DNAAF11: variants seen among roughly 807,000 people sequenced by gnomAD.
DNAAF11 encodes the protein dynein axonemal assembly factor 11.
DNAAF11 carries 45 observed loss-of-function variants against 60.8 expected under a neutral mutation model. That is an observed-to-expected ratio of 0.74 (90% CI 0.58 to 0.95). DNAAF11 has a LOEUF of 0.95. DNAAF11 is among the 40% of genes least tolerant of loss of function. The pLI, the probability that DNAAF11 is intolerant of heterozygous loss-of-function variation, is 0.00. For missense variants in DNAAF11, 546 were observed against 546.2 expected, an observed-to-expected ratio of 1.00 and a Z score of 0.00; for synonymous variants, 191 against 183.5, an observed-to-expected ratio of 1.04 and a Z score of -0.33.
chr8:132,590,372 G>A (rs116961073), intron 10 of DNAAF11, among the ~76,000 whole-genome samples: 2,335 of 152,306 alleles, frequency 0.015, 16 homozygotes, highest in Non-Finnish European at 0.027. Context: ...TGACCTTGGT[G>A]TTTGCTTTCT....
the DNAAF11 span, among the ~76,000 whole-genome samples, chr8:132,693,463 G>C: frequency 6.6e-6 from 1 of 151,820 alleles, no homozygotes; most frequent in African/African-American, 2.4e-5. Flanking sequence ...GTGTGTGTGT[G>C]TGTGTGTGCG....
chr8:132,689,319 T>C, the DNAAF11 span, among the ~76,000 whole-genome samples: 1 of 152,198 alleles, frequency 6.6e-6, no homozygotes, highest in Admixed American at 6.5e-5. Context: ...CTTGAAATCA[T>C]AGAGATGGGG....
At chr8:132,589,373 G>A (rs1219244859) in intron 10 of DNAAF11, among the ~76,000 whole-genome samples, 1 of 152,092 alleles carries the variant, frequency 6.6e-6, no homozygotes, top group Non-Finnish European at 1.5e-5. Context: ...TTGCATAAGT[G>A]GTGATGAGAA....
At chr8:132,590,990 C>G (rs1816402841) in intron 10 of DNAAF11, among the ~76,000 whole-genome samples, 1 of 152,106 alleles carries the variant, frequency 6.6e-6, no homozygotes, top group Non-Finnish European at 1.5e-5. Context: ...ATTTAATGGA[C>G]TGGTTTTGAA....
chr8:132,656,449 T>TA (rs1232526660), intron 3 of DNAAF11, among the ~76,000 whole-genome samples: 1 of 152,228 alleles, frequency 6.6e-6, no homozygotes, highest in Non-Finnish European at 1.5e-5. Flanking sequence ...TACCTATTTT[T>TA]ATACAAGACT....
the DNAAF11 span, among the ~76,000 whole-genome samples, chr8:132,694,513 A>C: frequency 2.6e-5 from 4 of 152,338 alleles, no homozygotes; most frequent in South Asian, 8.3e-4. Flanking sequence ...CTGTGAGAAA[A>C]TACAGCTTTG....
intron 7 of DNAAF11, among the ~76,000 whole-genome samples, chr8:132,619,354 C>T (rs1819527732): frequency 6.6e-6 from 1 of 151,836 alleles, no homozygotes; most frequent in Non-Finnish European, 1.5e-5. Flanking sequence ...TGTTAGATGA[C>T]GAGTTAGTGG....
At chr8:132,620,731 T>C (rs1819672032) in intron 7 of DNAAF11, among the ~76,000 whole-genome samples, 1 of 152,206 alleles carries the variant, frequency 6.6e-6, no homozygotes, top group Non-Finnish European at 1.5e-5. Flanking sequence ...GTGAATTATC[T>C]TATGGTCTTC....
chr8:132,621,010 G>A (rs1306350872), intron 7 of DNAAF11, among the ~76,000 whole-genome samples: 2 of 152,152 alleles, frequency 1.3e-5, no homozygotes, highest in Non-Finnish European at 1.5e-5. Context: ...AGAGAGACAC[G>A]GGTGTGGGTG....
upstream of DNAAF11, among the ~76,000 whole-genome samples, chr8:132,679,723 C>T (rs1045066162): frequency 1.3e-4 from 20 of 152,160 alleles, no homozygotes; most frequent in Non-Finnish European, 2.1e-4. Flanking sequence ...ATGGATCTCA[C>T]AAGACCAGAT....
At chr8:132,665,954 T>C (rs1563712820) in intron 1 of DNAAF11, among the ~76,000 whole-genome samples, 1 of 152,222 alleles carries the variant, frequency 6.6e-6, no homozygotes, top group African/African-American at 2.4e-5. Flanking sequence ...GTAACATGGA[T>C]GCAGCTGGAG....
chr8:132,606,097 G>GTAAT (rs1818106095), intron 10 of DNAAF11, among the ~76,000 whole-genome samples: 1 of 109,840 alleles, frequency 9.1e-6, no homozygotes, highest in African/African-American at 5.6e-5. Context: ...TACTGACACT[G>GTAAT]TATCTTAATG....
chr8:132,609,347 CAAG>C (rs1818426024), intron 10 of DNAAF11, among the ~76,000 whole-genome samples: 1 of 136,398 alleles, frequency 7.3e-6, no homozygotes, highest in Non-Finnish European at 1.6e-5. Flanking sequence ...TCTCGGGAAT[CAAG>C]AAAAAAAAAA....
At chr8:132,599,877 C>A in intron 10 of DNAAF11, among the ~76,000 whole-genome samples, 2 of 152,146 alleles carry the variant, frequency 1.3e-5, no homozygotes, top group East Asian at 3.9e-4. Flanking sequence ...GACAGGGATG[C>A]CCTCTCTCAC....
chr8:132,649,125 A>G (rs1480095048), intron 3 of DNAAF11, among the ~76,000 whole-genome samples: 1 of 152,214 alleles, frequency 6.6e-6, no homozygotes, highest in African/African-American at 2.4e-5. Context: ...CTATACTACA[A>G]GGCTACAGTA....
intron 10 of DNAAF11, among the ~76,000 whole-genome samples, chr8:132,599,429 C>T (rs575027064): frequency 5.9e-5 from 9 of 152,298 alleles, no homozygotes; most frequent in Non-Finnish European, 1.2e-4. Context: ...TTTTATGAGG[C>T]CAGCATCATC....
chr8:132,622,923 A>T (rs991737162), intron 6 of DNAAF11: 6 of 367,002 alleles, frequency 1.6e-5, no homozygotes, highest in Non-Finnish European at 2.4e-5. Context: ...CAGCAAAAAA[A>T]TGACCAAGAC....
chr8:132,595,152 A>C (rs1816857621), intron 10 of DNAAF11, among the ~76,000 whole-genome samples: 1 of 152,116 alleles, frequency 6.6e-6, no homozygotes, highest in South Asian at 2.1e-4. Context: ...AAACAGACTA[A>C]TACAGATGTA....
chr8:132,698,806 G>A, the DNAAF11 span, among the ~76,000 whole-genome samples: 8 of 152,150 alleles, frequency 5.3e-5, no homozygotes, highest in South Asian at 1.7e-3. Flanking sequence ...TTCTGACTGG[G>A]CACGATGGTG....
Sources: allele counts gnomAD v4.1 joint callset (sites outside exome capture counted in the v4.1 genomes callset), GRCh38; gene constraint gnomAD v4.1.1; transcripts MANE v1.5; gene names NCBI Gene and HGNC (gene_info 2026-07-23, HGNC 2026-07-21).